The following KLHL32 variants were observed in gnomAD, a reference collection of about 807,000 sequenced individuals.
KLHL32 encodes kelch like family member 32, also known as kelch-like protein 32.
KLHL32 carries 35 observed loss-of-function variants against 64.8 expected under a neutral mutation model. The observed-to-expected ratio is 0.54, with a 90% CI of 0.41 to 0.72. KLHL32 has a LOEUF of 0.72. KLHL32 is among the 30% of genes least tolerant of loss of function. KLHL32 has a pLI of 0.00. For synonymous variants in KLHL32, 259 were observed against 281.0 expected, an observed-to-expected ratio of 0.92 and a Z score of 0.78; for missense variants, 589 against 768.5, an observed-to-expected ratio of 0.77 and a Z score of 2.76.
chr6:96,964,572 G>C (rs938176495), intron 1 of KLHL32, among the ~76,000 whole-genome samples: 6 of 152,178 alleles, frequency 3.9e-5, no homozygotes, highest in African/African-American at 9.7e-5. Context: ...AGAATGGCGT[G>C]AACCCGGGAG....
At chr6:97,090,452 C>T (rs1458202296) in intron 6 of KLHL32, among the ~76,000 whole-genome samples, 4 of 152,038 alleles carry the variant, frequency 2.6e-5, no homozygotes, top group Admixed American at 2.0e-4. Flanking sequence ...TTATGTATAC[C>T]ACAGAATCAG....
intron 1 of KLHL32, among the ~76,000 whole-genome samples, chr6:96,955,847 G>A (rs551246999): frequency 2.6e-5 from 4 of 152,318 alleles, no homozygotes; most frequent in African/African-American, 9.6e-5. Context: ...TGAGGCAGGA[G>A]AATTGCTTGA....
chr6:97,055,799 A>AAAAAAAAAAC (rs1787734415), intron 4 of KLHL32, among the ~76,000 whole-genome samples: 1 of 109,446 alleles, frequency 9.1e-6, no homozygotes, highest in South Asian at 2.7e-4. Context: ...ACCTGTCTAA[A>AAAAAAAAAAC]AAAAAAAAAA....
chr6:97,128,999 G>A (rs1471240168), intron 8 of KLHL32, among the ~76,000 whole-genome samples: 2 of 152,192 alleles, frequency 1.3e-5, no homozygotes, highest in African/African-American at 4.8e-5. Context: ...CATGTGTAAT[G>A]TATTATAGAT....
At chr6:97,096,962 T>C (rs756259100) in intron 6 of KLHL32, among the ~76,000 whole-genome samples, 3 of 152,158 alleles carry the variant, frequency 2.0e-5, no homozygotes, top group Non-Finnish European at 4.4e-5. Context: ...TTGGAAGCCT[T>C]TTTAGTCATT....
At chr6:97,120,081 G>T (rs930483765) in intron 7 of KLHL32, among the ~76,000 whole-genome samples, 1 of 152,120 alleles carries the variant, frequency 6.6e-6, no homozygotes, top group Non-Finnish European at 1.5e-5. Context: ...GCTGGTAAAC[G>T]CTGAGAGCAT....
At chr6:97,089,698 T>C (rs1793935891) in intron 6 of KLHL32, among the ~76,000 whole-genome samples, 4 of 151,712 alleles carry the variant, frequency 2.6e-5, no homozygotes, top group Non-Finnish European at 1.5e-5. Context: ...GGAGAATCAG[T>C]TGAAGCGAGA....
At chr6:97,046,499 T>G (rs78303912) in intron 4 of KLHL32, among the ~76,000 whole-genome samples, 2,698 of 152,308 alleles carry the variant, frequency 0.018, 80 homozygotes, top group African/African-American at 0.061. Context: ...TTGGAAACTG[T>G]GCCTTTTCAA....
At chr6:96,970,079 C>T (rs1266240553) in intron 2 of KLHL32, among the ~76,000 whole-genome samples, 1 of 152,166 alleles carries the variant, frequency 6.6e-6, no homozygotes, top group African/African-American at 2.4e-5. Flanking sequence ...TAGATTTTCC[C>T]ACTAAATAGC....
At chr6:96,898,159 T>C in the KLHL32 span, among the ~76,000 whole-genome samples, 1 of 152,240 alleles carries the variant, frequency 6.6e-6, no homozygotes, top group African/African-American at 2.4e-5. Flanking sequence ...ACTTTCTGAT[T>C]TAATTCTTGT....
intron 1 of KLHL32, among the ~76,000 whole-genome samples, chr6:96,937,731 T>A (rs1770787495): frequency 6.6e-6 from 1 of 152,192 alleles, no homozygotes; most frequent in Non-Finnish European, 1.5e-5. Context: ...CTACCCTCCA[T>A]CCTCACAGCT....
chr6:96,938,686 C>G (rs558999088), intron 1 of KLHL32, among the ~76,000 whole-genome samples: 2 of 152,152 alleles, frequency 1.3e-5, no homozygotes, highest in African/African-American at 4.8e-5. Flanking sequence ...TGGAAATAGA[C>G]GGGCCTAAGC....
intron 1 of KLHL32, among the ~76,000 whole-genome samples, chr6:96,954,454 T>TG (rs1221073550): frequency 6.6e-6 from 1 of 152,098 alleles, no homozygotes; most frequent in African/African-American, 2.4e-5. Context: ...ATGCAGCGAT[T>TG]ACCCCATAAA....
At chr6:97,065,015 G>C (rs1443810683) in intron 5 of KLHL32, among the ~76,000 whole-genome samples, 1 of 152,190 alleles carries the variant, frequency 6.6e-6, no homozygotes, top group Non-Finnish European at 1.5e-5. Flanking sequence ...TTCCCTGCAG[G>C]AGCCGGGGGA....
At chr6:96,965,380 A>G (rs1485376557) in intron 1 of KLHL32, among the ~76,000 whole-genome samples, 2 of 152,206 alleles carry the variant, frequency 1.3e-5, no homozygotes, top group African/African-American at 2.4e-5. Context: ...CAAACGATAA[A>G]TGTCTGTAAA....
At chr6:96,939,276 A>C (rs1239792243) in intron 1 of KLHL32, among the ~76,000 whole-genome samples, 1 of 152,238 alleles carries the variant, frequency 6.6e-6, no homozygotes, top group East Asian at 1.9e-4. Context: ...TACTCTGTAA[A>C]GAATGCTTAT....
At chr6:97,014,150 C>A (rs1283318256) in intron 3 of KLHL32, among the ~76,000 whole-genome samples, 1 of 151,942 alleles carries the variant, frequency 6.6e-6, no homozygotes, top group Non-Finnish European at 1.5e-5. Flanking sequence ...AAAAATTAGC[C>A]GGGCGTTGTG....
At chr6:97,123,148 G>C (rs1409963444) in intron 7 of KLHL32, among the ~76,000 whole-genome samples, 1 of 152,174 alleles carries the variant, frequency 6.6e-6, no homozygotes, top group African/African-American at 2.4e-5. Flanking sequence ...AGAGCCATCA[G>C]ACTTGACCCA....
At chr6:97,052,569 G>A (rs1421880763) in intron 4 of KLHL32, among the ~76,000 whole-genome samples, 2 of 152,186 alleles carry the variant, frequency 1.3e-5, no homozygotes, top group East Asian at 3.8e-4. Flanking sequence ...CGGCGTGCAG[G>A]CTGTAGGTCA....
Sources: gnomAD v4.1 joint callset for allele counts (sites outside exome capture counted in the v4.1 genomes callset) on GRCh38, gnomAD v4.1.1 for gene constraint, MANE v1.5 for transcripts, NCBI Gene and HGNC (gene_info 2026-07-23, HGNC 2026-07-21) for gene names.